The following UMODL1 variants were observed in gnomAD, a reference collection of about 807,000 sequenced individuals.
The protein encoded by UMODL1 is uromodulin like 1, also known as uromodulin-like 1.
A neutral mutation model predicts 136.3 loss-of-function variants in UMODL1; 128 were observed. The ratio of observed to expected loss-of-function variants is 0.94; its 90% CI spans 0.81 to 1.09. The LOEUF (loss-of-function observed/expected upper bound fraction) is 1.09, where lower values mean the gene tolerates loss of function less well. UMODL1 is among the 50% of genes least tolerant of loss of function. The pLI is 0.00. For synonymous variants in UMODL1, 721 were observed against 720.0 expected, an observed-to-expected ratio of 1.00 and a Z score of -0.02; for missense variants, 1,766 against 1,725.6, an observed-to-expected ratio of 1.02 and a Z score of -0.41.
At position 42,111,721 on chromosome 21, in the gene UMODL1, C is replaced by A; in HGVS notation, c.2104+11C>A. On this transcript the variant is annotated intron_variant, in intron 12 of 22. Transcript: ENST00000408910. ...AGACCCCCGCCTGTGGTGAGTTCCT[C>A]GAATGGTGCATGGGGACTAGGACTA... 6.2e-7 allele frequency: 1 copy of A among 1,603,436 alleles called. No homozygotes were observed. The highest frequency in any genetic ancestry group is 8.5e-7 in the Non-Finnish European group (1 of 1,174,496).
Position 42,090,402 on chromosome 21 carries a change from G to A in UMODL1, c.895G>A (p.Ala299Thr). The change falls in exon 6 of 23, where the codon GCC (alanine) becomes ACC (threonine). Residue 299 changes from alanine (A) to threonine (T), a missense_variant. Physicochemically the swap from Ala to Thr is moderately conservative, Grantham distance 58 (BLOSUM62 0). Transcript: ENST00000408910. ...YWCVCHQEAP[A>T]TSPRKLNLEW... ...GTGCGTCTGTCACCAGGAAGCTCCA[G>A]CCACGTCTCCACGGAAGCTGAACCT... 1 of 1,614,048 alleles carries A rather than the reference G, an allele frequency of 6.2e-7. No individual in the cohort carries two copies. Among genetic ancestry groups the A allele is most frequent in the Admixed American group, 1.7e-5 (1 of 60,018 alleles).
intron 1 of UMODL1, 95 bp from the exon 2 acceptor site, chr21:42,075,910 C>A: frequency 6.4e-7 from 1 of 1,553,618 alleles, no homozygotes; most frequent in South Asian, 1.2e-5. Flanking sequence ...GAGGTGTGCT[C>A]TCACTTGCTA....
intron 14 of UMODL1, among the ~76,000 whole-genome samples, chr21:42,118,710 C>T (rs1479448921): frequency 6.6e-6 from 1 of 152,080 alleles, no homozygotes. Flanking sequence ...GTCTCCCTCC[C>T]CACGACCCTG....
At position 42,084,264 on chromosome 21, in the gene UMODL1, T is replaced by C; in HGVS notation, c.481+19T>C. ...CCCCAAGGTAGGCTGCTGCGGGCCATGCTTATGGACAGGCAGCAAAGGCGG... is the reference window on the plus strand; with the variant it reads ...CCCCAAGGTAGGCTGCTGCGGGCCACGCTTATGGACAGGCAGCAAAGGCGG... On this transcript the variant is annotated intron_variant, in intron 3 of 22. Coordinates refer to ENST00000408910, the MANE Select transcript of UMODL1 (RefSeq NM_001004416.3). 6.2e-7 allele frequency: 1 copy of C among 1,611,322 alleles called. No homozygotes were observed. Among genetic ancestry groups the C allele is most frequent in the Non-Finnish European group, 8.5e-7 (1 of 1,179,246 alleles).
intron 4 of UMODL1, chr21:42,086,505 A>G: frequency 2.2e-6 from 1 of 455,616 alleles, no homozygotes; most frequent in Non-Finnish European, 4.4e-6. Flanking sequence ...AGCCCGGGCT[A>G]GGAGTGATTC....
intron 1 of UMODL1, among the ~76,000 whole-genome samples, chr21:42,074,096 T>C (rs1011403685): frequency 6.6e-6 from 1 of 152,146 alleles, no homozygotes; most frequent in South Asian, 2.1e-4. Context: ...ACAGCAGAAA[T>C]GGATTCGGTC....
chr21:42,130,243 T>TGTGTGC (rs2067116493), intron 21 of UMODL1, among the ~76,000 whole-genome samples: 1 of 147,886 alleles, frequency 6.8e-6, no homozygotes, highest in African/African-American at 2.7e-5. Flanking sequence ...TGTGTGTGTG[T>TGTGTGC]GTGCGTGCAC....
In UMODL1 at chr21:42,090,289, T is replaced by C; in HGVS notation, c.791-9T>C. ...TGCTGAGTGTGGGTCCTGCTCTCCT[T>C]CCCTGTAGATGTCAATGAGTGTTTC... On this transcript the variant is annotated splice_polypyrimidine_tract_variant and intron_variant, in intron 5 of 22. Coordinates refer to ENST00000408910, the MANE Select transcript of UMODL1 (RefSeq NM_001004416.3). 1 of 1,614,104 alleles carries C rather than the reference T, an allele frequency of 6.2e-7. No individual in the cohort carries two copies. The highest frequency in any genetic ancestry group is 8.5e-7 in the Non-Finnish European group (1 of 1,180,000).
intron 6 of UMODL1, among the ~76,000 whole-genome samples, chr21:42,097,470 C>T (rs1381379360): frequency 6.6e-6 from 1 of 152,160 alleles, no homozygotes; most frequent in Non-Finnish European, 1.5e-5. Flanking sequence ...CTGAGCCTCT[C>T]AGCAGCCAAG....
At position 42,113,661 on chromosome 21, in the gene UMODL1, C is replaced by T. The variant is rs758350474; in HGVS notation, c.2193C>T (p.Ser731=). Residue 731 remains serine, a synonymous_variant, in exon 13 of 23, where the codon TCC becomes TCT. Transcript: ENST00000408910. Reference sequence around the variant, plus strand: ...GGGAGGCGGATCTTGCTATGGACTCCACCTTCCAGCTCACTCTGACTTCCA... The same window carrying T: ...GGGAGGCGGATCTTGCTATGGACTCTACCTTCCAGCTCACTCTGACTTCCA... ...LAWEADLAMD[S]TFQLTLTSMW... 5.0e-6 allele frequency: 8 copies of T among 1,613,962 alleles called. No individual in the cohort carries two copies. In the African/African-American group the frequency reaches 6.7e-5, roughly 13 times the overall value.
chr21:42,088,236 C>T, intron 4 of UMODL1, 58 bp from the exon 5 acceptor site: 1 of 1,572,228 alleles, frequency 6.4e-7, no homozygotes, highest in Non-Finnish European at 8.7e-7. Flanking sequence ...CCTCAGTCTC[C>T]TCGTCTGTCT....
chr21:42,109,534 G>A (rs1329787625), intron 9 of UMODL1, 28 bp from the exon 10 acceptor site: 2 of 1,598,280 alleles, frequency 1.3e-6, no homozygotes, highest in South Asian at 1.1e-5. Flanking sequence ...GTTTTCTCAT[G>A]GGTTTTGATT....
intron 17 of UMODL1, among the ~76,000 whole-genome samples, chr21:42,125,161 A>G (rs1009748756): frequency 6.6e-6 from 1 of 152,182 alleles, no homozygotes; most frequent in Non-Finnish European, 1.5e-5. Context: ...CTGGGAGCCG[A>G]CAAAGTGGGA....
intron 16 of UMODL1, 34 bp downstream of exon 16, chr21:42,121,258 T>A (rs1271670153): frequency 1.9e-6 from 3 of 1,583,344 alleles, no homozygotes; most frequent in Admixed American, 1.8e-5. Context: ...TCTGGAATAC[T>A]GTATCATAAT....
At position 42,126,414 on chromosome 21, in the gene UMODL1, C is replaced by A; in HGVS notation, c.3217C>A (p.Leu1073Met). Residue 1073 changes from leucine (L) to methionine (M), a missense_variant, in exon 18 of 23, where the codon CTG becomes ATG. Leu to Met is a conservative substitution (Grantham distance 15, BLOSUM62 2). Transcript: ENST00000408910. The part of the protein sequence containing the change: ...DLSQEGIIHH[L>M]KILSPIYCAF... Reference sequence around the variant, plus strand: ...GTCCCAGGAGGGCATCATCCACCACCTGAAGATCCTGAGCCCCATCTACTG... The same window carrying A: ...GTCCCAGGAGGGCATCATCCACCACATGAAGATCCTGAGCCCCATCTACTG... 1 of 1,614,232 alleles carries A rather than the reference C, an allele frequency of 6.2e-7. No individual in the cohort carries two copies. Among genetic ancestry groups the A allele is most frequent in the Non-Finnish European group, 8.5e-7 (1 of 1,180,036 alleles).
intron 13 of UMODL1, 128 bp from the exon 14 acceptor site, chr21:42,115,745 T>C: frequency 1.4e-6 from 1 of 693,872 alleles, no homozygotes; most frequent in East Asian, 3.0e-5. Flanking sequence ...ATTCCTTCTT[T>C]CTAGAACACG....
intron 9 of UMODL1, among the ~76,000 whole-genome samples, chr21:42,106,911 T>C (rs59447091): frequency 6.6e-6 from 1 of 152,334 alleles, no homozygotes; most frequent in East Asian, 1.9e-4. Context: ...GCACAATGCC[T>C]GTGTGGGTTT....
chr21:42,086,083 G>A (rs549100628), intron 4 of UMODL1, among the ~76,000 whole-genome samples: 5 of 152,196 alleles, frequency 3.3e-5, no homozygotes, highest in African/African-American at 7.2e-5. Context: ...CATCAGTCTC[G>A]GGAATCCCAG....
chr21:42,090,279 C>T lies in UMODL1; in HGVS notation c.791-19C>T, dbSNP rs777872338. The stretch of plus-strand genomic sequence containing the variant: ...TAGCTGCGACTGCTGAGTGTGGGTC[C>T]TGCTCTCCTTCCCTGTAGATGTCAA... On this transcript the variant is annotated intron_variant, in intron 5 of 22. Coordinates refer to ENST00000408910, the MANE Select transcript of UMODL1 (RefSeq NM_001004416.3). 1.9e-6 allele frequency: 3 copies of T among 1,613,976 alleles called. No homozygotes were observed. Among genetic ancestry groups the T allele is most frequent in the Non-Finnish European group, 2.5e-6 (3 of 1,179,918 alleles).
Sources: gnomAD v4.1 joint callset for allele counts (sites outside exome capture counted in the v4.1 genomes callset) on GRCh38, gnomAD v4.1.1 for gene constraint, MANE v1.5 for transcripts, NCBI Gene and HGNC (gene_info 2026-07-23, HGNC 2026-07-21) for gene names.